The following MMP20 variants were observed in gnomAD, a reference collection of about 807,000 sequenced individuals.
MMP20 encodes the protein matrix metalloproteinase-20.
Under a neutral mutation model 51.8 loss-of-function variants are expected in MMP20, and 50 were observed. The observed-to-expected ratio is 0.97, with a 90% CI of 0.77 to 1.22. The LOEUF (loss-of-function observed/expected upper bound fraction) is 1.22, where lower values mean the gene tolerates loss of function less well. Ranked by LOEUF, MMP20 falls within the 50% of genes most tolerant of loss-of-function variation. The probability of loss-of-function intolerance (pLI) is 0.00; values close to 1 mark genes in which losing one functional copy is unlikely to be tolerated. For missense variants in MMP20, 663 were observed against 601.4 expected (o/e 1.10, Z -1.07); for synonymous variants, 244 against 216.2 (o/e 1.13, Z -1.13).
At chr11:102,585,575 A>C (rs1565389670) in intron 8 of MMP20, among the ~76,000 whole-genome samples, 1 of 152,148 alleles carries the variant, frequency 6.6e-6, no homozygotes, top group Non-Finnish European at 1.5e-5. Flanking sequence ...TTTCTCTCCT[A>C]TCTGGATAAT....
chr11:102,606,587 A>G lies in MMP20; in HGVS notation c.901T>C (p.Ser301Pro). ...CCCAGCATTGTCACAGCGTCAAAGGATGAGCTGGAGTCACAGAGGTCAGGG... is the reference window on the plus strand; with the variant it reads ...CCCAGCATTGTCACAGCGTCAAAGGGTGAGCTGGAGTCACAGAGGTCAGGG... ...SIPDLCDSSS[S>P]FDAVTMLGKE... is the part of the protein sequence containing the mutation. The change falls in exon 6 of 10, where the codon TCC (serine) becomes CCC (proline). Residue 301 changes from serine (S) to proline (P), a missense_variant. Physicochemically the swap from Ser to Pro is moderately conservative, Grantham distance 74. Transcript: ENST00000260228. The G allele has an allele frequency of 1.9e-6, 3 of 1,614,098 alleles. No homozygotes were observed. Among genetic ancestry groups the G allele is most frequent in the Non-Finnish European group, 2.5e-6 (3 of 1,179,966 alleles).
intron 1 of MMP20, among the ~76,000 whole-genome samples, chr11:102,622,630 C>A (rs545782260): frequency 8.5e-5 from 13 of 152,278 alleles, no homozygotes; most frequent in African/African-American, 3.1e-4. Context: ...TAACTTCTTT[C>A]CAGGCTCACT....
In MMP20 at chr11:102,608,809, A is replaced by G. The variant is rs1338368254; in HGVS notation, c.811+128T>C. 9.0e-6 allele frequency: 9 copies of G among 997,358 alleles called. No individual in the cohort carries two copies. In the East Asian group the frequency reaches 2.2e-4, roughly 24 times the overall value. The allele number at this position is 997,358 out of a possible 1,614,324, so 61.8% of individuals were successfully genotyped here. The stretch of plus-strand genomic sequence containing the variant: ...AACTAGCAAATCAGCTCTTCACAAG[A>G]AGGCATAGTTGGGGTTATGGTTTCT... On this transcript the variant is annotated intron_variant, in intron 5 of 9. Coordinates refer to ENST00000260228, the MANE Select transcript of MMP20 (RefSeq NM_004771.4).
chr11:102,614,338 C>T (rs1194949596), intron 2 of MMP20, among the ~76,000 whole-genome samples: 2 of 152,098 alleles, frequency 1.3e-5, no homozygotes, highest in Non-Finnish European at 2.9e-5. Flanking sequence ...TGTCCTTTTT[C>T]ATGGGGAGGC....
intron 1 of MMP20, among the ~76,000 whole-genome samples, chr11:102,619,849 T>C (rs1245468445): frequency 6.6e-6 from 1 of 152,048 alleles, no homozygotes; most frequent in African/African-American, 2.4e-5. Flanking sequence ...ATGCACAAAA[T>C]GTTAGTCTTA....
At position 102,606,622 on chromosome 11, in the gene MMP20, T is replaced by C. The variant is rs746511120; in HGVS notation, c.866A>G (p.Lys289Arg). The C allele has an allele frequency of 6.2e-7, 1 of 1,613,968 alleles. No homozygotes were observed. The highest frequency in any genetic ancestry group is 8.5e-7 in the Non-Finnish European group (1 of 1,179,894). ...GTCACAGAGGTCAGGGATGGATGGC[T>C]TGTGATGGGGGGCATGGGGCAGAGT... ...KPTLPHAPHH[K>R]PSIPDLCDSS... Residue 289 changes from lysine to arginine, a missense_variant, in exon 6 of 10, where the codon AAG becomes AGG. Coordinates refer to ENST00000260228, the MANE Select transcript of MMP20 (RefSeq NM_004771.4).
At position 102,577,175 on chromosome 11, in the gene MMP20, A is replaced by T; in HGVS notation, c.*151T>A. The T allele has an allele frequency of 3.1e-6, 2 of 640,904 alleles. No homozygotes were observed. The highest frequency in any genetic ancestry group is 3.6e-5 in the South Asian group (2 of 55,246). 39.7% of individuals were successfully genotyped at this position (640,904 alleles called of 1,614,324 possible). A position where few individuals can be genotyped will look rare whatever the true frequency, so the allele number is the denominator to read the frequency against. On this transcript the variant is annotated 3_prime_UTR_variant, in exon 10 of 10. Transcript: ENST00000260228. ...AATTCTGATTATACAACTATGAAAA[A>T]AATTGGAAGTATTATTATTCTCAGT...
intron 8 of MMP20, among the ~76,000 whole-genome samples, chr11:102,585,403 ATTGT>A (rs1859243195): frequency 6.6e-6 from 1 of 152,088 alleles, no homozygotes; most frequent in Non-Finnish European, 1.5e-5. Context: ...TCATTTTCAA[ATTGT>A]TTGTTCAGGT....
At chr11:102,584,560 C>T (rs1275937808) in intron 8 of MMP20, among the ~76,000 whole-genome samples, 1 of 152,058 alleles carries the variant, frequency 6.6e-6, no homozygotes, top group Non-Finnish European at 1.5e-5. Context: ...AACATTTCTT[C>T]CCATTCCCTG....
Position 102,614,234 on chromosome 11 carries a change from A to AT in MMP20, c.375-2332dup, listed in dbSNP as rs890834714. The stretch of plus-strand genomic sequence containing the variant: ...CTTATGCATATAAGCACTATGCTGT[A>AT]TTTTTTTTCCTTTTGTAATCCTCTG... On this transcript the variant is annotated intron_variant, in intron 2 of 9. Coordinates refer to ENST00000260228, the MANE Select transcript of MMP20 (RefSeq NM_004771.4). Among the ~76,000 whole-genome samples the AT allele has an allele frequency of 4.6e-5, 7 of 151,992 alleles. No individual in the cohort carries two copies. The South Asian group carries it at 8.3e-4, about 18-fold the overall frequency.
At chr11:102,622,859 C>T (rs1253158973) in intron 1 of MMP20, among the ~76,000 whole-genome samples, 4 of 152,124 alleles carry the variant, frequency 2.6e-5, no homozygotes, top group Non-Finnish European at 5.9e-5. Flanking sequence ...TTTTATGAGG[C>T]TGATGAGGTT....
At chr11:102,581,007 C>T (rs1022652274) in intron 8 of MMP20, among the ~76,000 whole-genome samples, 7 of 152,132 alleles carry the variant, frequency 4.6e-5, no homozygotes, top group African/African-American at 1.7e-4. Flanking sequence ...CCAAAGAGCT[C>T]AACAGATACA....
chr11:102,623,574 G>A (rs1045503306), intron 1 of MMP20, among the ~76,000 whole-genome samples: 2 of 152,186 alleles, frequency 1.3e-5, no homozygotes, highest in African/African-American at 4.8e-5. Flanking sequence ...ACTGGTGCTT[G>A]GCTGGTCTAG....
At chr11:102,590,940 G>A (rs890438260) in intron 8 of MMP20, among the ~76,000 whole-genome samples, 1 of 152,122 alleles carries the variant, frequency 6.6e-6, no homozygotes, top group Non-Finnish European at 1.5e-5. Context: ...GGGAACTTGG[G>A]TCCCTGTTGA....
chr11:102,591,744 G>A (rs752855023), intron 8 of MMP20, among the ~76,000 whole-genome samples: 10 of 152,138 alleles, frequency 6.6e-5, no homozygotes, highest in Admixed American at 1.3e-4. Context: ...GGTACAGTAC[G>A]ATTTTCTCTG....
intron 2 of MMP20, among the ~76,000 whole-genome samples, chr11:102,613,144 T>C (rs1157100248): frequency 6.6e-6 from 1 of 152,236 alleles, no homozygotes; most frequent in East Asian, 1.9e-4. Flanking sequence ...CGATGACACC[T>C]GAAGGCAGAA....
chr11:102,597,480 T>A lies in MMP20; in HGVS notation c.954-2723A>T, dbSNP rs913691232. Among the ~76,000 whole-genome samples, 12 of 152,204 alleles carry A rather than the reference T, an allele frequency of 7.9e-5. 1 individual carries two copies. The highest frequency in any genetic ancestry group is 2.9e-4 in the African/African-American group (12 of 41,456). ...TAGTCATTGTAAATCAAGTGTGATT[T>A]TGCACCCTGGGGGACGTTAGGCAAT... On this transcript the variant is annotated intron_variant, in intron 6 of 9. Coordinates refer to ENST00000260228, the MANE Select transcript of MMP20 (RefSeq NM_004771.4).
At chr11:102,605,419 T>A (rs1351990429) in intron 6 of MMP20, 1 of 152,052 alleles carries the variant, frequency 6.6e-6, no homozygotes, top group Non-Finnish European at 1.5e-5. Flanking sequence ...TTTGTTACTT[T>A]CTCTCTGTGC....
At chr11:102,619,941 A>G (rs1784401) in intron 1 of MMP20, among the ~76,000 whole-genome samples, 114,258 of 152,074 alleles carry the variant, frequency 0.75, 43,227 homozygotes, top group East Asian at 0.98. Flanking sequence ...ATTAGAAACT[A>G]TTCCTTCTTA....
Sources: allele counts gnomAD v4.1 joint callset (sites outside exome capture counted in the v4.1 genomes callset), GRCh38; gene constraint gnomAD v4.1.1; transcripts MANE v1.5; gene names NCBI Gene and HGNC (gene_info 2026-07-23, HGNC 2026-07-21).